The following MTX2 variants were observed in gnomAD, a reference collection of about 807,000 sequenced individuals.
MTX2 encodes metaxin-2.
MTX2 carries 35 observed loss-of-function variants against 42.3 expected under a neutral mutation model. The ratio of observed to expected loss-of-function variants is 0.83; its 90% CI spans 0.63 to 1.10. The LOEUF (loss-of-function observed/expected upper bound fraction) is 1.10, where lower values mean the gene tolerates loss of function less well. Among genes scored for constraint, MTX2 ranks in the 50% least tolerant of loss-of-function variants. The pLI, the probability that MTX2 is intolerant of heterozygous loss-of-function variation, is 0.00. For synonymous variants in MTX2, 119 were observed against 100.9 expected (o/e 1.18, Z -1.08); for missense variants, 307 against 304.1 (o/e 1.01, Z -0.07).
intron 3 of MTX2, among the ~76,000 whole-genome samples, chr2:176,299,256 G>A (rs1169710116): frequency 6.6e-6 from 1 of 151,984 alleles, no homozygotes; most frequent in Non-Finnish European, 1.5e-5. Flanking sequence ...GCACAACAAA[G>A]AATTATCCAG....
chr2:176,314,643 C>T (rs1026677557), intron 3 of MTX2, among the ~76,000 whole-genome samples: 1 of 151,828 alleles, frequency 6.6e-6, no homozygotes, highest in Non-Finnish European at 1.5e-5. Flanking sequence ...TTCTGTTTAC[C>T]TGCTTTTCTT....
chr2:176,326,156 A>G (rs1178744737), intron 4 of MTX2, among the ~76,000 whole-genome samples: 10 of 151,642 alleles, frequency 6.6e-5, no homozygotes, highest in Admixed American at 5.9e-4. Flanking sequence ...AAAGTGAAAT[A>G]TTTCTTTTTT....
Position 176,269,468 on chromosome 2 carries a change from T to G in MTX2, c.-162T>G. ...TCCCTAGCCAGGCCTGGCGGTAACC[T>G]TGGGGGCCTCACTGCAGCCGCCGCT... On this transcript the variant is annotated 5_prime_UTR_variant, in exon 1 of 10. Transcript: ENST00000249442. 2 of 742,096 alleles carry G rather than the reference T, an allele frequency of 2.7e-6. No individual in the cohort carries two copies. Among genetic ancestry groups the G allele is most frequent in the Non-Finnish European group, 4.1e-6 (2 of 487,950 alleles). The allele number at this position is 742,096 out of a possible 1,614,324, so 46.0% of individuals were successfully genotyped here.
At chr2:176,273,562 T>C (rs1171461038) in intron 1 of MTX2, among the ~76,000 whole-genome samples, 3 of 152,200 alleles carry the variant, frequency 2.0e-5, no homozygotes, top group South Asian at 2.1e-4. Context: ...TTTAAAGATA[T>C]CTGGCATCTC....
At chr2:176,292,181 G>T (rs1693344172) in intron 1 of MTX2, among the ~76,000 whole-genome samples, 1 of 152,092 alleles carries the variant, frequency 6.6e-6, no homozygotes, top group South Asian at 2.1e-4. Context: ...TTCTAAGGCT[G>T]TCCCTTCCTT....
chr2:176,308,404 A>C (rs946453990), intron 3 of MTX2, among the ~76,000 whole-genome samples: 5 of 152,122 alleles, frequency 3.3e-5, no homozygotes, highest in African/African-American at 1.2e-4. Context: ...TATCAGGATG[A>C]TGTTGGCCTC....
intron 7 of MTX2, 122 bp downstream of exon 7, chr2:176,329,034 T>C (rs968733708): frequency 2.1e-6 from 2 of 961,796 alleles, no homozygotes; most frequent in African/African-American, 1.7e-5. Flanking sequence ...ATATAGTTTT[T>C]CACTTACTTT....
At chr2:176,276,683 C>T (rs1245402472) in intron 1 of MTX2, among the ~76,000 whole-genome samples, 2 of 151,998 alleles carry the variant, frequency 1.3e-5, no homozygotes, top group African/African-American at 4.8e-5. Flanking sequence ...GAGCCTTTCA[C>T]CTTATAGTAA....
At position 176,328,388 on chromosome 2, in the gene MTX2, A is replaced by G. The variant is rs1684771290; in HGVS notation, c.378+3A>G. ...ACAATATGCTGTTGACTGCAGAGGT[A>G]AAATACTAGATGATACGGCTTGAAA... On this transcript the variant is annotated splice_donor_region_variant and intron_variant, in intron 6 of 9. Transcript: ENST00000249442. The G allele has an allele frequency of 6.6e-7, 1 of 1,525,276 alleles. No individual in the cohort carries two copies. Among genetic ancestry groups the G allele is most frequent in the Non-Finnish European group, 8.8e-7 (1 of 1,131,970 alleles). The allele number at this position is 1,525,276 out of a possible 1,614,324, so 94.5% of individuals were successfully genotyped here. A position where few individuals can be genotyped will look rare whatever the true frequency, so the allele number is the denominator to read the frequency against.
At chr2:176,333,234 T>C (rs1311980496) in intron 9 of MTX2, among the ~76,000 whole-genome samples, 1 of 151,620 alleles carries the variant, frequency 6.6e-6, no homozygotes, top group Non-Finnish European at 1.5e-5. Context: ...ATTTGAATTA[T>C]AATCACAAAC....
At chr2:176,275,670 TTTAA>T (rs1184674460) in intron 1 of MTX2, among the ~76,000 whole-genome samples, 1 of 152,240 alleles carries the variant, frequency 6.6e-6, no homozygotes, top group Non-Finnish European at 1.5e-5. Context: ...ATTTTGTTTT[TTTAA>T]TTTTGTTCTT....
chr2:176,293,524 T>A (rs13028928), intron 1 of MTX2, among the ~76,000 whole-genome samples: 7,898 of 152,212 alleles, frequency 0.052, 271 homozygotes, highest in Non-Finnish European at 0.079. Flanking sequence ...CTATCCTTGA[T>A]AGTGAGTTCT....
At chr2:176,291,856 A>T (rs1693336098) in intron 1 of MTX2, among the ~76,000 whole-genome samples, 1 of 152,074 alleles carries the variant, frequency 6.6e-6, no homozygotes, top group Non-Finnish European at 1.5e-5. Context: ...AGAGTGGTGC[A>T]TTCAGAAACT....
At chr2:176,317,049 A>C (rs1017880332) in intron 3 of MTX2, among the ~76,000 whole-genome samples, 5 of 151,636 alleles carry the variant, frequency 3.3e-5, no homozygotes, top group Admixed American at 2.0e-4. Context: ...AAAAAAAAAA[A>C]AACAAAAACT....
At chr2:176,288,478 A>T (rs1416104424) in intron 1 of MTX2, among the ~76,000 whole-genome samples, 1 of 151,894 alleles carries the variant, frequency 6.6e-6, no homozygotes, top group African/African-American at 2.4e-5. Flanking sequence ...CAGTATTTGC[A>T]TTTACAACTT....
At chr2:176,299,843 A>G (rs1346097103) in intron 3 of MTX2, among the ~76,000 whole-genome samples, 1 of 152,152 alleles carries the variant, frequency 6.6e-6, no homozygotes, top group African/African-American at 2.4e-5. Context: ...ATCAAACATC[A>G]GATATTTTAA....
intron 1 of MTX2, among the ~76,000 whole-genome samples, chr2:176,274,864 AT>A (rs1012645906): frequency 2.0e-5 from 3 of 152,178 alleles, no homozygotes; most frequent in African/African-American, 7.2e-5. Flanking sequence ...CAGCACCTAG[AT>A]TAGGGTTAGA....
At chr2:176,288,090 A>G (rs1292934552) in intron 1 of MTX2, among the ~76,000 whole-genome samples, 2 of 152,016 alleles carry the variant, frequency 1.3e-5, no homozygotes, top group Non-Finnish European at 2.9e-5. Context: ...AACATTCCCT[A>G]TGAAACACTA....
chr2:176,296,735 A>T (rs1575042477), intron 1 of MTX2, 125 bp from the exon 2 acceptor site: 7 of 882,490 alleles, frequency 7.9e-6, no homozygotes, highest in Non-Finnish European at 1.3e-5. Context: ...ATTAGTTGCC[A>T]TGTATAAGTC....
Sources: allele counts gnomAD v4.1 joint callset (sites outside exome capture counted in the v4.1 genomes callset), GRCh38; gene constraint gnomAD v4.1.1; transcripts MANE v1.5; gene names NCBI Gene and HGNC (gene_info 2026-07-23, HGNC 2026-07-21).